The following HEPACAM2 variants were observed in gnomAD, a reference collection of about 807,000 sequenced individuals.
HEPACAM2 encodes mitotic kinetics regulator.
HEPACAM2 carries 49 observed loss-of-function variants against 49.6 expected under a neutral mutation model. That is an observed-to-expected ratio of 0.99 (90% CI 0.78 to 1.25). The LOEUF (loss-of-function observed/expected upper bound fraction) is 1.25, where lower values mean the gene tolerates loss of function less well. Among genes scored for constraint, HEPACAM2 ranks in the 50% most tolerant of loss-of-function variants. The pLI is 0.00. For synonymous variants in HEPACAM2, 197 were observed against 202.9 expected (o/e 0.97, Z 0.25); for missense variants, 525 against 557.2 (o/e 0.94, Z 0.58).
At chr7:93,231,273 G>T (rs1252731199), upstream of HEPACAM2, among the ~76,000 whole-genome samples, 5 of 151,946 alleles carry the variant, frequency 3.3e-5, no homozygotes, top group Non-Finnish European at 7.4e-5. Context: ...CATACTTTTA[G>T]AAGTTAACAT....
intron 2 of HEPACAM2, among the ~76,000 whole-genome samples, chr7:93,216,209 C>A (rs965783872): frequency 2.0e-5 from 3 of 152,148 alleles, no homozygotes; most frequent in Non-Finnish European, 4.4e-5. Flanking sequence ...ATATGTAAAA[C>A]TATTCTTTCT....
chr7:93,198,469 CT>C (rs1270344576), intron 4 of HEPACAM2, among the ~76,000 whole-genome samples: 2 of 152,064 alleles, frequency 1.3e-5, no homozygotes, highest in African/African-American at 2.4e-5. Context: ...TGATGCCTCC[CT>C]TTAATATAAT....
upstream of HEPACAM2, among the ~76,000 whole-genome samples, chr7:93,228,445 A>C (rs578140705): frequency 2.1e-5 from 3 of 146,284 alleles, no homozygotes; most frequent in Non-Finnish European, 2.9e-5. Flanking sequence ...TAAACTGTAG[A>C]TATAAACTCT....
upstream of HEPACAM2, among the ~76,000 whole-genome samples, chr7:93,230,457 A>C (rs1392302947): frequency 6.6e-6 from 1 of 152,196 alleles, no homozygotes; most frequent in Non-Finnish European, 1.5e-5. Flanking sequence ...GGTGAATCTG[A>C]ACAGTCAGGT....
At chr7:93,226,326 A>AC (rs1435177900) in intron 1 of HEPACAM2, 42 bp downstream of exon 1, 3 of 1,455,118 alleles carry the variant, frequency 2.1e-6, no homozygotes, top group African/African-American at 1.4e-5. Flanking sequence ...AAAAAAAAAA[A>AC]ACCTAACAAA....
rs115915100 is a variant in HEPACAM2 at position 93,189,297 on chromosome 7, A to T, written c.1386-27T>A. 5,798 of 1,562,706 alleles carry T rather than the reference A, an allele frequency of 3.7e-3. 156 individuals carry two copies. In the African/African-American group the frequency reaches 0.064, roughly 17 times the overall value. On this transcript the variant is annotated intron_variant, in intron 9 of 9. Transcript: ENST00000394468. ...TAGTGAAGAGATATACAAAATATGT[A>T]AACAGTTCTATAGATTTTTCAGGTC... is the stretch of plus-strand genomic sequence containing the variant.
At chr7:93,197,332 T>C in intron 6 of HEPACAM2, 41 bp downstream of exon 6, 3 of 1,605,178 alleles carry the variant, frequency 1.9e-6, no homozygotes, top group South Asian at 1.1e-5. Flanking sequence ...GGAATAAGCA[T>C]CTAAGGAAAA....
intron 4 of HEPACAM2, among the ~76,000 whole-genome samples, chr7:93,201,794 CT>C (rs1267050539): frequency 2.0e-5 from 3 of 152,020 alleles, no homozygotes; most frequent in Admixed American, 6.6e-5. Flanking sequence ...ACATCTCCCC[CT>C]GAGAATCCTC....
chr7:93,208,447 A>G, intron 4 of HEPACAM2, 133 bp downstream of exon 4: 1 of 788,450 alleles, frequency 1.3e-6, no homozygotes, highest in Non-Finnish European at 1.9e-6. Context: ...TTAACTTTGG[A>G]AAGAGAGATT....
intron 3 of HEPACAM2, among the ~76,000 whole-genome samples, chr7:93,212,923 T>C (rs1199506633): frequency 6.6e-6 from 1 of 152,072 alleles, no homozygotes; most frequent in Admixed American, 6.6e-5. Flanking sequence ...TGGATTATGG[T>C]TTACTTTCTT....
chr7:93,224,583 T>A (rs771297409), intron 1 of HEPACAM2, among the ~76,000 whole-genome samples: 6 of 152,102 alleles, frequency 3.9e-5, no homozygotes, highest in Admixed American at 3.3e-4. Flanking sequence ...AATAGCACTA[T>A]AAAAAAGTAT....
In HEPACAM2 at chr7:93,221,711, T is replaced by C. The variant is rs116635107; in HGVS notation, c.80-2260A>G. ...GACTCCTAGACTTGCAACTGAAACT[T>C]ACCATATGGACTGAAAAGCAGATGA... On this transcript the variant is annotated intron_variant, in intron 1 of 9. Coordinates refer to ENST00000394468, the MANE Select transcript of HEPACAM2 (RefSeq NM_001039372.4). Among the ~76,000 whole-genome samples the C allele has an allele frequency of 2.3e-3, 356 of 152,254 alleles. 2 individuals carry two copies. Among genetic ancestry groups the C allele is most frequent in the African/African-American group, 7.8e-3 (326 of 41,564 alleles).
At chr7:93,196,652 A>G (rs1793728679) in intron 7 of HEPACAM2, among the ~76,000 whole-genome samples, 1 of 152,146 alleles carries the variant, frequency 6.6e-6, no homozygotes, top group African/African-American at 2.4e-5. Context: ...TAAGAAAAAT[A>G]ATTTTCCTAA....
At chr7:93,229,636 C>G (rs923652236), upstream of HEPACAM2, among the ~76,000 whole-genome samples, 38 of 152,140 alleles carry the variant, frequency 2.5e-4, no homozygotes, top group African/African-American at 8.9e-4. Context: ...CTCTGCACTC[C>G]TTTACCAAGG....
At chr7:93,200,053 CTA>C (rs927146366) in intron 4 of HEPACAM2, among the ~76,000 whole-genome samples, 1 of 151,360 alleles carries the variant, frequency 6.6e-6, no homozygotes, top group Non-Finnish European at 1.5e-5. Context: ...TTTTTAATGA[CTA>C]TACAAATAGT....
At chr7:93,228,448 T>C (rs769230847), upstream of HEPACAM2, among the ~76,000 whole-genome samples, 9 of 145,478 alleles carry the variant, frequency 6.2e-5, no homozygotes, top group Non-Finnish European at 1.0e-4. Context: ...ACTGTAGATA[T>C]AAACTCTTAC....
In HEPACAM2 at chr7:93,226,457, C is replaced by T; in HGVS notation, c.-11G>A. ...AGCATCCTGTCCCATGCATGCAGTG[C>T]CCTGTTCTCAGTGGTAACTTGGACC... On this transcript the variant is annotated 5_prime_UTR_variant, in exon 1 of 10. Coordinates refer to ENST00000394468, the MANE Select transcript of HEPACAM2 (RefSeq NM_001039372.4). 6.2e-7 allele frequency: 1 copy of T among 1,610,140 alleles called. No homozygotes were observed. The highest frequency in any genetic ancestry group is 8.5e-7 in the Non-Finnish European group (1 of 1,176,894).
intron 4 of HEPACAM2, among the ~76,000 whole-genome samples, chr7:93,204,338 C>G (rs1331851997): frequency 6.7e-6 from 1 of 148,956 alleles, no homozygotes; most frequent in Non-Finnish European, 1.5e-5. Flanking sequence ...ATCTATCTAT[C>G]TATCTATCTA....
At chr7:93,219,824 TCTAA>T (rs1389045018) in intron 1 of HEPACAM2, among the ~76,000 whole-genome samples, 8 of 152,238 alleles carry the variant, frequency 5.3e-5, no homozygotes, top group African/African-American at 1.9e-4. Context: ...CATATCATAA[TCTAA>T]CTATGTGATT....
Sources: gnomAD v4.1 joint callset for allele counts (sites outside exome capture counted in the v4.1 genomes callset) on GRCh38, gnomAD v4.1.1 for gene constraint, MANE v1.5 for transcripts, NCBI Gene and HGNC (gene_info 2026-07-23, HGNC 2026-07-21) for gene names.